The following IL32 variants were observed in gnomAD, a reference collection of about 807,000 sequenced individuals.
IL32 encodes interleukin-32.
A neutral mutation model predicts 16.6 loss-of-function variants in IL32; 30 were observed. That is an observed-to-expected ratio of 1.81 (90% CI 1.35 to 2.45). The LOEUF (loss-of-function observed/expected upper bound fraction) is 2.45, where lower values mean the gene tolerates loss of function less well. IL32 is among the 30% of genes most tolerant of loss of function. The pLI, the probability that IL32 is intolerant of heterozygous loss-of-function variation, is 0.00. For missense variants in IL32, 234 were observed against 229.8 expected (o/e 1.02, Z -0.12); for synonymous variants, 70 against 86.1 (o/e 0.81, Z 1.03).
At chr16:3,066,520 G>A (rs1382673310) in intron 2 of IL32, among the ~76,000 whole-genome samples, 1 of 152,132 alleles carries the variant, frequency 6.6e-6, no homozygotes, top group Admixed American at 6.5e-5. Flanking sequence ...TCTATAGTGG[G>A]GGAAACCAGG....
chr16:3,069,058 G>C lies in IL32; in HGVS notation c.270G>C (p.Pro90=), dbSNP rs200868372. ...GCCGAGGCAACAGATCCCCTGTCCC[G>C]GATGTTGAGGATCCCGCAACCGAGG... is the stretch of plus-strand genomic sequence containing the variant. ...LRCRGNRSPV[P]DVEDPATEEP... is the part of the protein sequence containing the mutation. The change falls in exon 7 of 7, where the codon CCG becomes CCC. Residue 90 remains proline (P), a synonymous_variant. Coordinates refer to ENST00000525643, the MANE Select transcript of IL32 (RefSeq NM_001376923.1). The C allele has an allele frequency of 3.8e-4, 606 of 1,607,076 alleles. 1 individual carries two copies. The highest frequency in any genetic ancestry group is 4.7e-4 in the Non-Finnish European group (550 of 1,175,616).
Position 3,068,136 on chromosome 16 carries a change from G to C in IL32, c.142-44G>C, listed in dbSNP as rs563098871. The C allele has an allele frequency of 2.3e-5, 37 of 1,600,758 alleles. No homozygotes were observed. The South Asian group carries it at 3.9e-4, about 17-fold the overall frequency. ...CAGTGGGGGCCACAGTGGGAAGGGG[G>C]CAGGCAGGAGCAGCATGAACCCCCT... On this transcript the variant is annotated intron_variant, in intron 5 of 6. Coordinates refer to ENST00000525643, the MANE Select transcript of IL32 (RefSeq NM_001376923.1).
In IL32 at chr16:3,068,213, G is replaced by A. The variant is rs1240686984; in HGVS notation, c.175G>A (p.Ala59Thr). ...CAAAGAGGGCTACCTGGAGACAGTG[G>A]CGGCTTATTATGAGGAGCAGCACCC... The part of the protein sequence containing the change: ...DFKEGYLETV[A>T]AYYEEQHPEL... Residue 59 changes from alanine to threonine, a missense_variant, in exon 6 of 7, where the codon GCG becomes ACG. Ala to Thr is a moderately conservative substitution (Grantham distance 58). Around this residue, in one of 3 missense-constraint regions of IL32, gnomAD observed 137 missense variants for 80.7 expected, o/e 1.70. Transcript: ENST00000525643. 1.9e-6 allele frequency: 3 copies of A among 1,601,264 alleles called. No individual in the cohort carries two copies. The highest frequency in any genetic ancestry group is 2.6e-6 in the Non-Finnish European group (3 of 1,173,812).
At chr16:3,067,758 G>T in intron 4 of IL32, 145 bp downstream of exon 4, 3 of 837,414 alleles carry the variant, frequency 3.6e-6, no homozygotes, top group Non-Finnish European at 3.9e-6. Context: ...CACCTGGGTG[G>T]CAGTGAGTGG....
In IL32 at chr16:3,069,417, C is replaced by T; in HGVS notation, c.*62C>T. 1 of 1,523,712 alleles carries T rather than the reference C, an allele frequency of 6.6e-7. No homozygotes were observed. The highest frequency in any genetic ancestry group is 8.8e-7 in the Non-Finnish European group (1 of 1,133,274). The allele number at this position is 1,523,712 out of a possible 1,614,324, so 94.4% of individuals were successfully genotyped here. A position where few individuals can be genotyped will look rare whatever the true frequency, so the allele number is the denominator to read the frequency against. ...GCACCCACCCTGACCCCTCCCTCAG[C>T]TGTCCTGTGCCCCGCCCTCTCCCGC... On this transcript the variant is annotated 3_prime_UTR_variant, in exon 7 of 7. Coordinates refer to ENST00000525643, the MANE Select transcript of IL32 (RefSeq NM_001376923.1).
At chr16:3,067,867 C>G in intron 4 of IL32, 117 bp from the exon 5 acceptor site, 2 of 1,275,004 alleles carry the variant, frequency 1.6e-6, no homozygotes, top group Non-Finnish European at 2.3e-6. Flanking sequence ...GGCCCGGGCC[C>G]CTGGCTGGGC....
At chr16:3,066,082 G>A (rs752875759) in intron 2 of IL32, among the ~76,000 whole-genome samples, 6 of 152,194 alleles carry the variant, frequency 3.9e-5, no homozygotes, top group Non-Finnish European at 7.4e-5. Context: ...CGGAAAGCCC[G>A]GGGCAGGGGT....
At chr16:3,066,248 C>G (rs568770169) in intron 2 of IL32, among the ~76,000 whole-genome samples, 1 of 152,254 alleles carries the variant, frequency 6.6e-6, no homozygotes, top group East Asian at 1.9e-4. Flanking sequence ...TGCCCCACCG[C>G]AAATGCTAGG....
chr16:3,065,520 T>A, upstream of IL32: 1 of 546,964 alleles, frequency 1.8e-6, no homozygotes, highest in Non-Finnish European at 3.3e-6. Context: ...TGTCTGTCTC[T>A]GTCTCTGTCT....
chr16:3,067,293 G>C lies in IL32; in HGVS notation c.16-84G>C, dbSNP rs550736863. 1.1e-3 allele frequency: 726 copies of C among 690,108 alleles called. 3 individuals carry two copies. The highest frequency in any genetic ancestry group is 1.6e-3 in the Non-Finnish European group (620 of 394,066). The allele number at this position is 690,108 out of a possible 1,614,324, so 42.7% of individuals were successfully genotyped here. On this transcript the variant is annotated intron_variant, in intron 2 of 6. Transcript: ENST00000525643. ...TCTCTGTGTGTGTGTGTGTGTGTGT[G>C]TGTGTGTGTGTGTGTGTATAAATTA...
In IL32 at chr16:3,067,077, C is replaced by T. The variant is rs4025756; in HGVS notation, c.16-300C>T. On this transcript the variant is annotated intron_variant, in intron 2 of 6. Transcript: ENST00000525643. The stretch of plus-strand genomic sequence containing the variant: ...TGTGAGGAGGGGTCACCTAGGCCCA[C>T]GCAGGCCCTGCTCTTGTGAGGAGGG... 2.7e-3 allele frequency among the ~76,000 whole-genome samples: 143 copies of T among 52,418 alleles called. 9 individuals are homozygous for T. Among genetic ancestry groups the T allele is most frequent in the African/African-American group, 5.1e-3 (58 of 11,268 alleles). 34.4% of individuals were successfully genotyped at this position (52,418 alleles called of 152,430 possible). A position where few individuals can be genotyped will look rare whatever the true frequency, so the allele number is the denominator to read the frequency against.
Position 3,065,734 on chromosome 16 carries a change from G to A in IL32, c.-29+47G>A, listed in dbSNP as rs575128686. 14 of 1,567,526 alleles carry A rather than the reference G, an allele frequency of 8.9e-6. No homozygotes were observed. The Middle Eastern group carries it at 5.0e-4, about 56-fold the overall frequency. ...AGGTGAGGACCCTCTGGGGAGGAGG[G>A]TGCTTCTCTGAGACACTTTCTTTTC... On this transcript the variant is annotated intron_variant, in intron 1 of 6. Transcript: ENST00000525643.
chr16:3,068,602 G>T (rs1956704035), intron 6 of IL32: 2 of 409,378 alleles, frequency 4.9e-6, no homozygotes, highest in Non-Finnish European at 9.1e-6. Flanking sequence ...TGAGCCACCG[G>T]GCCCAGCCAA....
chr16:3,065,843 G>C lies in IL32; in HGVS notation c.15+17G>C. On this transcript the variant is annotated intron_variant, in intron 2 of 6. Transcript: ENST00000525643. ...TTCCCGAAGGTGAGTGAGAGGCTGC[G>C]TGTGCTTTTGTGGGCATGTCTGAAA... 6.2e-7 allele frequency: 1 copy of C among 1,614,052 alleles called. No homozygotes were observed. Among genetic ancestry groups the C allele is most frequent in the Non-Finnish European group, 8.5e-7 (1 of 1,180,028 alleles).
At position 3,068,013 on chromosome 16, in the gene IL32, G is replaced by A. The variant is rs1385987022; in HGVS notation, c.141+3G>A. On this transcript the variant is annotated splice_donor_region_variant and intron_variant, in intron 5 of 6. Coordinates refer to ENST00000525643, the MANE Select transcript of IL32 (RefSeq NM_001376923.1). ...TGTCGAGCCTGGCAGAGCTGGAGGT[G>A]AGCCGTGGCCTCCCCCTCCACCAAG... The A allele has an allele frequency of 6.2e-7, 1 of 1,614,062 alleles. No homozygotes were observed. The highest frequency in any genetic ancestry group is 8.5e-7 in the Non-Finnish European group (1 of 1,179,950).
chr16:3,067,509 G>A, intron 3 of IL32, 45 bp from the exon 4 acceptor site: 1 of 1,614,024 alleles, frequency 6.2e-7, no homozygotes, highest in Non-Finnish European at 8.5e-7. Context: ...ACCCTGGAGG[G>A]ACAAGGATCC....
chr16:3,067,030 A>T (rs868547186), intron 2 of IL32, among the ~76,000 whole-genome samples: 1 of 56,234 alleles, frequency 1.8e-5, no homozygotes, highest in Non-Finnish European at 3.9e-5. Flanking sequence ...GGGGTCACCT[A>T]GGCCCACGCA....
At position 3,068,028 on chromosome 16, in the gene IL32, C is replaced by A. The variant is rs747902151; in HGVS notation, c.141+18C>A. The A allele has an allele frequency of 1.2e-6, 2 of 1,613,872 alleles. No individual in the cohort carries two copies. Among genetic ancestry groups the A allele is most frequent in the Non-Finnish European group, 1.7e-6 (2 of 1,179,782 alleles). On this transcript the variant is annotated intron_variant, in intron 5 of 6. Coordinates refer to ENST00000525643, the MANE Select transcript of IL32 (RefSeq NM_001376923.1). ...AGCTGGAGGTGAGCCGTGGCCTCCC[C>A]CTCCACCAAGCTTAGTCCCTGGGTC...
chr16:3,067,658 C>A, intron 4 of IL32, 45 bp downstream of exon 4: 1 of 1,382,052 alleles, frequency 7.2e-7, no homozygotes, highest in Non-Finnish European at 1.0e-6. Flanking sequence ...GTCCCCGCCC[C>A]CAGGCACTCC....
Sources: allele counts gnomAD v4.1 joint callset (sites outside exome capture counted in the v4.1 genomes callset), GRCh38; gene constraint gnomAD v4.1.1; regional missense constraint gnomAD v4.1.1; transcripts MANE v1.5; gene names NCBI Gene and HGNC (gene_info 2026-07-23, HGNC 2026-07-21).